Variants in WWOX observed in about 807,000 individuals in gnomAD.
The protein encoded by WWOX is WW domain-containing oxidoreductase.
Under a neutral mutation model 46.2 loss-of-function variants are expected in WWOX, and 69 were observed. That is an observed-to-expected ratio of 1.49 (90% CI 1.23 to 1.82). The LOEUF (loss-of-function observed/expected upper bound fraction) is 1.82. Among genes scored for constraint, WWOX ranks in the 40% most tolerant of loss-of-function variants. WWOX has a pLI of 0.00. For missense variants in WWOX, 919 were observed against 542.6 expected (o/e 1.69, Z -6.89); for synonymous variants, 359 against 202.6 (o/e 1.77, Z -6.56).
intron 8 of WWOX, among the ~76,000 whole-genome samples, chr16:78,864,554 C>T (rs1001100826): frequency 8.5e-5 from 13 of 152,168 alleles, no homozygotes; most frequent in African/African-American, 3.1e-4. Context: ...TAGGCATGAG[C>T]CACTGCACCC....
chr16:79,109,507 G>A (rs1319393204), intron 8 of WWOX, among the ~76,000 whole-genome samples: 1 of 152,032 alleles, frequency 6.6e-6, no homozygotes, highest in Non-Finnish European at 1.5e-5. Flanking sequence ...TAATCCTCCG[G>A]GCTAATTATA....
intron 8 of WWOX, among the ~76,000 whole-genome samples, chr16:79,028,201 G>A (rs2047683962): frequency 6.6e-6 from 1 of 151,696 alleles, no homozygotes; most frequent in Non-Finnish European, 1.5e-5. Flanking sequence ...CACCTGCCTT[G>A]GCCTCCCAAA....
In WWOX at chr16:78,153,889, G is replaced by A. The variant is rs180967245; in HGVS notation, c.410-10294G>A. On this transcript the variant is annotated intron_variant, in intron 4 of 8. Transcript: ENST00000566780. ...CTTCCTGGCATCGGGGAAAGAAGCTGCCTTTTTCTTAGCTCCTACCTCTGT... is the reference window on the plus strand; with the variant it reads ...CTTCCTGGCATCGGGGAAAGAAGCTACCTTTTTCTTAGCTCCTACCTCTGT... Among the ~76,000 whole-genome samples the A allele has an allele frequency of 9.9e-5, 15 of 152,268 alleles. No individual in the cohort carries two copies. The East Asian group carries it at 2.5e-3, about 26-fold the overall frequency.
intron 8 of WWOX, among the ~76,000 whole-genome samples, chr16:78,865,061 C>G (rs1433307347): frequency 6.6e-6 from 1 of 152,002 alleles, no homozygotes. Flanking sequence ...CCGCGCCTGG[C>G]TTTCAAATTC....
chr16:78,994,715 A>G (rs747998212), intron 8 of WWOX, among the ~76,000 whole-genome samples: 24 of 152,026 alleles, frequency 1.6e-4, no homozygotes, highest in Non-Finnish European at 1.8e-4. Context: ...AGGGGGAAAA[A>G]ACTCATTTCA....
At chr16:78,760,108 A>G (rs1401745647) in intron 8 of WWOX, among the ~76,000 whole-genome samples, 1 of 152,180 alleles carries the variant, frequency 6.6e-6, no homozygotes, top group African/African-American at 2.4e-5. Context: ...ATGGACTCAC[A>G]GTTCCATGTG....
intron 8 of WWOX, among the ~76,000 whole-genome samples, chr16:78,684,743 A>G (rs2047815898): frequency 6.6e-6 from 1 of 152,178 alleles, no homozygotes; most frequent in Non-Finnish European, 1.5e-5. Flanking sequence ...AGTGGGACGC[A>G]TCATACTGAA....
chr16:78,553,220 C>T (rs2044215047), intron 8 of WWOX: 1 of 152,228 alleles, frequency 6.6e-6, no homozygotes, highest in Non-Finnish European at 1.5e-5. Context: ...CAGCAAACCA[C>T]CATGGCACAG....
chr16:78,172,560 TG>T (rs2035198179), intron 5 of WWOX, among the ~76,000 whole-genome samples: 1 of 152,172 alleles, frequency 6.6e-6, no homozygotes, highest in African/African-American at 2.4e-5. Flanking sequence ...TGTTATTCAT[TG>T]TTCTTTGATC....
intron 8 of WWOX, among the ~76,000 whole-genome samples, chr16:78,833,081 G>C (rs1247178044): frequency 7.9e-6 from 1 of 127,178 alleles, no homozygotes; most frequent in Non-Finnish European, 1.6e-5. Context: ...TTGCTCTTTT[G>C]CCCAGGCTGC....
chr16:78,853,380 T>G (rs2151182719), intron 8 of WWOX, among the ~76,000 whole-genome samples: 1 of 152,198 alleles, frequency 6.6e-6, no homozygotes, highest in South Asian at 2.1e-4. Flanking sequence ...GCCCGACTGA[T>G]TTTTGTATTT....
rs775944673 is a variant in WWOX at position 78,108,479 on chromosome 16, T to C, written c.164T>C (p.Val55Ala). 16 of 1,612,606 alleles carry C rather than the reference T, an allele frequency of 9.9e-6. No homozygotes were observed. The Admixed American group carries it at 1.7e-4, about 17-fold the overall frequency. Reference sequence around the variant, plus strand: ...CCAAAAACTGGAAAAAGAAAACGAGTGGCAGGAGGTTTGTATGTTGTTGTC... The same window carrying C: ...CCAAAAACTGGAAAAAGAAAACGAGCGGCAGGAGGTTTGTATGTTGTTGTC... Reference protein sequence around the residue: ...EHPKTGKRKRVAGDLPYGWEQ... With the variant: ...EHPKTGKRKRAAGDLPYGWEQ... Residue 55 changes from valine (V) to alanine (A), a missense_variant, in exon 2 of 9, where the codon GTG (valine) becomes GCG (alanine). Physicochemically the swap from Val to Ala is moderately conservative, Grantham distance 64 (BLOSUM62 0). Transcript: ENST00000566780.
chr16:79,151,300 C>A (rs1397036052), intron 8 of WWOX, among the ~76,000 whole-genome samples: 1 of 152,206 alleles, frequency 6.6e-6, no homozygotes, highest in Admixed American at 6.5e-5. Context: ...AGGCGTTATT[C>A]TTTGTGGTGT....
intron 8 of WWOX, among the ~76,000 whole-genome samples, chr16:78,578,766 A>T (rs2044971768): frequency 6.6e-6 from 1 of 152,158 alleles, no homozygotes; most frequent in Non-Finnish European, 1.5e-5. Flanking sequence ...ATACAACCGC[A>T]TGGTTTTCTG....
chr16:78,327,322 G>C (rs1046947700), intron 5 of WWOX, among the ~76,000 whole-genome samples: 2 of 152,138 alleles, frequency 1.3e-5, no homozygotes, highest in South Asian at 2.1e-4. Context: ...TGGGATGGGG[G>C]TGTGAAGCGT....
At chr16:78,461,892 T>G (rs569148627) in intron 8 of WWOX, among the ~76,000 whole-genome samples, 1 of 152,328 alleles carries the variant, frequency 6.6e-6, no homozygotes, top group South Asian at 2.1e-4. Context: ...CCCCAGCATT[T>G]AAGGAAATAT....
chr16:79,057,806 C>T (rs2048290550), intron 8 of WWOX, among the ~76,000 whole-genome samples: 2 of 152,172 alleles, frequency 1.3e-5, no homozygotes, highest in South Asian at 2.1e-4. Flanking sequence ...CATCTCAGCT[C>T]TGCCATATTG....
chr16:78,557,689 A>T (rs1597262990), intron 8 of WWOX, among the ~76,000 whole-genome samples: 67 of 96,578 alleles, frequency 6.9e-4, no homozygotes, highest in African/African-American at 1.4e-3. Flanking sequence ...CTAGGGAAGG[A>T]TTTTTTTTTT....
intron 8 of WWOX, among the ~76,000 whole-genome samples, chr16:78,670,897 A>G (rs972538757): frequency 6.6e-6 from 1 of 152,030 alleles, no homozygotes; most frequent in African/African-American, 2.4e-5. Context: ...CCTACATCCA[A>G]TAAGAATGTC....
Sources: gnomAD v4.1 joint callset for allele counts (sites outside exome capture counted in the v4.1 genomes callset) on GRCh38, gnomAD v4.1.1 for gene constraint, MANE v1.5 for transcripts, NCBI Gene and HGNC (gene_info 2026-07-23, HGNC 2026-07-21) for gene names.